MGST1: variants seen among roughly 807,000 people sequenced by gnomAD.
MGST1 encodes the protein glutathione S-transferase 12.
In MGST1, 5 loss-of-function variants were observed where a neutral mutation model predicts 8.9. That is an observed-to-expected ratio of 0.56 (90% CI 0.29 to 1.19). The LOEUF is 1.19. Ranked by LOEUF, MGST1 falls within the 50% of genes most tolerant of loss-of-function variation. The probability of loss-of-function intolerance (pLI) is 0.08; values close to 1 mark genes in which losing one functional copy is unlikely to be tolerated. For missense variants in MGST1, 182 were observed against 187.4 expected, an observed-to-expected ratio of 0.97 and a Z score of 0.17; for synonymous variants, 54 against 67.8, an observed-to-expected ratio of 0.80 and a Z score of 1.00.
At position 16,513,533 on chromosome 12, in the gene MGST1, C is replaced by T. The variant is rs1941590848; in HGVS notation, n.483-75995C>T. ...CCACCAGATCCCATCCTTGGAGTCA[C>T]CGAAGGCTTTAAGAGGGACACCAAT... is the stretch of plus-strand genomic sequence containing the variant. On this transcript the variant is annotated intron_variant and non_coding_transcript_variant, in intron 4 of 4. Transcript: ENST00000538857. This position sits in a 1 kb window ranked among gnomAD's most constrained non-coding sequence, Gnocchi z 4.2. 4 of 485,486 alleles carry T rather than the reference C, an allele frequency of 8.2e-6. No homozygotes were observed. Among genetic ancestry groups the T allele is most frequent in the African/African-American group, 5.9e-5 (3 of 50,608 alleles). The allele number at this position is 485,486 out of a possible 1,614,324, so 30.1% of individuals were successfully genotyped here. A position where few individuals can be genotyped will look rare whatever the true frequency, so the allele number is the denominator to read the frequency against.
At chr12:16,366,982 A>G (rs1344758946), downstream of MGST1, among the ~76,000 whole-genome samples, 3 of 152,204 alleles carry the variant, frequency 2.0e-5, no homozygotes, top group Non-Finnish European at 4.4e-5. This position sits in a 1 kb window ranked among gnomAD's most constrained non-coding sequence, Gnocchi z 4.0. Flanking sequence ...ACATTTATAT[A>G]GATATTGAAT....
chr12:16,445,171 T>C (rs1474597485), intron 4 of MGST1, among the ~76,000 whole-genome samples: 1 of 151,728 alleles, frequency 6.6e-6, no homozygotes, highest in Admixed American at 6.6e-5. Flanking sequence ...TCACATACTA[T>C]ATTAGGCCAG....
At chr12:16,378,418 T>A (rs1940413679), downstream of MGST1, among the ~76,000 whole-genome samples, 1 of 152,102 alleles carries the variant, frequency 6.6e-6, no homozygotes, top group South Asian at 2.1e-4. Context: ...TTTCCCAATT[T>A]CTTGTTTTTG....
intron 4 of MGST1, among the ~76,000 whole-genome samples, chr12:16,525,807 C>T (rs1408707562): frequency 1.3e-4 from 19 of 150,626 alleles, no homozygotes; most frequent in African/African-American, 3.0e-4. Context: ...CAGCACTTGT[C>T]GTTTCCTGAC....
At chr12:16,474,846 T>G (rs1049502415) in intron 4 of MGST1, among the ~76,000 whole-genome samples, 2 of 152,242 alleles carry the variant, frequency 1.3e-5, no homozygotes, top group Non-Finnish European at 2.9e-5. Context: ...GTATTAATCT[T>G]ATTTTCTCCA....
chr12:16,465,609 AG>A (rs1344846498), intron 4 of MGST1, among the ~76,000 whole-genome samples: 1 of 152,178 alleles, frequency 6.6e-6, no homozygotes. Context: ...AATGCCTATA[AG>A]GTGTCACTGT....
chr12:16,489,466 G>GT lies in MGST1; in HGVS notation n.483-100059dup, dbSNP rs34914281. Among the ~76,000 whole-genome samples the GT allele has an allele frequency of 8.6e-3, 1,310 of 152,240 alleles. 53 individuals are homozygous for GT. The East Asian group carries it at 0.14, about 17-fold the overall frequency. On this transcript the variant is annotated intron_variant and non_coding_transcript_variant, in intron 4 of 4. Transcript: ENST00000538857. ...ATATCTGGGTTGCCTGTGTTCCCTT[G>GT]TTTACAATCCAGGGCAACAGCTGGT... is the stretch of plus-strand genomic sequence containing the variant.
exon 1 of MGST1, chr12:16,383,272 T>G (rs1940473930): frequency 6.6e-6 from 1 of 152,576 alleles, no homozygotes; most frequent in African/African-American, 2.4e-5. Context: ...CTGTTCCTAT[T>G]CGGCCATCTT....
chr12:16,516,232 A>G (rs528913597), intron 4 of MGST1, among the ~76,000 whole-genome samples: 91 of 152,326 alleles, frequency 6.0e-4, no homozygotes, highest in African/African-American at 2.1e-3. Flanking sequence ...CACATCTTTT[A>G]CATCCTAGCT....
rs995462347 is a variant in MGST1, at chr12:16,548,552, T to C, written n.483-40976T>C. The C allele has an allele frequency of 1.3e-5, 2 of 152,160 alleles. No homozygotes were observed. The highest frequency in any genetic ancestry group is 4.8e-5 in the African/African-American group (2 of 41,448). The allele number at this position is 152,160 out of a possible 1,614,324, so 9.4% of individuals were successfully genotyped here. Reference sequence around the variant, plus strand: ...TTCATCATAGGCAGCCTATGCGAGATGCATCTTAGGAAGGGAGCTTTCGCT... The same window carrying C: ...TTCATCATAGGCAGCCTATGCGAGACGCATCTTAGGAAGGGAGCTTTCGCT... On this transcript the variant is annotated intron_variant and non_coding_transcript_variant, in intron 4 of 4. Coordinates refer to the MGST1 transcript ENST00000538857. This position sits in a 1 kb window ranked among gnomAD's most constrained non-coding sequence, Gnocchi z 4.2.
intron 4 of MGST1, among the ~76,000 whole-genome samples, chr12:16,469,760 A>G (rs1046593053): frequency 2.6e-5 from 4 of 152,218 alleles, no homozygotes; most frequent in African/African-American, 7.2e-5. Flanking sequence ...TTTGTTGCCT[A>G]TGTAATTTGT....
chr12:16,588,876 A>G (rs1256305451), intron 4 of MGST1, among the ~76,000 whole-genome samples: 1 of 152,014 alleles, frequency 6.6e-6, no homozygotes, highest in Non-Finnish European at 1.5e-5. Context: ...ACTCAGTGCC[A>G]TTCTCCCTTC....
At chr12:16,435,885 G>A (rs1940980885) in intron 1 of MGST1, among the ~76,000 whole-genome samples, 1 of 151,838 alleles carries the variant, frequency 6.6e-6, no homozygotes, top group Non-Finnish European at 1.5e-5. Context: ...TTTCAGGGTA[G>A]CCTTGGTTTT....
At chr12:16,552,161 T>G (rs1942011952) in intron 4 of MGST1, among the ~76,000 whole-genome samples, 1 of 152,040 alleles carries the variant, frequency 6.6e-6, no homozygotes. Context: ...TTGGACACAA[T>G]TAAGGTCAGA....
chr12:16,357,646 A>G lies in MGST1; in HGVS notation c.168A>G (p.Gly56=). 1 of 1,613,996 alleles carries G rather than the reference A, an allele frequency of 6.2e-7. No individual in the cohort carries two copies. The highest frequency in any genetic ancestry group is 2.2e-5 in the East Asian group (1 of 44,878). ...NPEDCVAFGK[G]ENAKKYLRTD... is the part of the protein sequence containing the mutation. Reference sequence around the variant, plus strand: ...AAGACTGTGTAGCATTTGGCAAAGGAGAAAATGCCAAGAAGTATCTTCGAA... The same window carrying G: ...AAGACTGTGTAGCATTTGGCAAAGGGGAAAATGCCAAGAAGTATCTTCGAA... Residue 56 remains glycine, a synonymous_variant, in exon 3 of 4, where the codon GGA becomes GGG. Transcript: ENST00000396210.
chr12:16,571,156 G>A (rs1362026367), intron 4 of MGST1, among the ~76,000 whole-genome samples: 2 of 151,978 alleles, frequency 1.3e-5, no homozygotes, highest in South Asian at 2.1e-4. Flanking sequence ...TAAGTAGCAG[G>A]GTTTGGGGCA....
Position 16,582,098 on chromosome 12 carries a change from A to C in MGST1, n.483-7430A>C, listed in dbSNP as rs1390526412. On this transcript the variant is annotated intron_variant and non_coding_transcript_variant, in intron 4 of 4. Transcript: ENST00000538857. The surrounding 1 kb of genome is among the most constrained non-coding windows in gnomAD (Gnocchi z 4.1). ...TTTAATGGAAATTACTTTAGTATTTAGCTGTTTTATAAATTTGCAGTTAGG... is the reference window on the plus strand; with the variant it reads ...TTTAATGGAAATTACTTTAGTATTTCGCTGTTTTATAAATTTGCAGTTAGG... 6.6e-6 allele frequency among the ~76,000 whole-genome samples: 1 copy of C among 152,174 alleles called. No individual in the cohort carries two copies.
chr12:16,575,782 C>G (rs547565265), intron 4 of MGST1, among the ~76,000 whole-genome samples: 1 of 150,428 alleles, frequency 6.6e-6, no homozygotes, highest in African/African-American at 2.5e-5. Flanking sequence ...CTTTTCATGT[C>G]CTGACCTGTA....
At chr12:16,386,343 TAGCGGCATGTCACCCAAGCTAGG>T (rs1940503773) in intron 1 of MGST1, among the ~76,000 whole-genome samples, 1 of 152,192 alleles carries the variant, frequency 6.6e-6, no homozygotes, top group East Asian at 1.9e-4. Flanking sequence ...AAGCAGTTTA[TAGCGGCATGTCACCCAAGCTAGG>T]ACTCGGCACA....
Sources: allele counts gnomAD v4.1 joint callset (sites outside exome capture counted in the v4.1 genomes callset), GRCh38; gene constraint gnomAD v4.1.1; non-coding constraint Gnocchi (gnomAD v3.1); transcripts MANE v1.5; gene names NCBI Gene and HGNC (gene_info 2026-07-23, HGNC 2026-07-21).